VPS35L: variants seen among roughly 807,000 people sequenced by gnomAD.
VPS35L encodes the protein VPS35 endosomal protein sorting factor like.
In VPS35L, 83 loss-of-function variants were observed where a neutral mutation model predicts 133.0. The observed-to-expected ratio is 0.62, with a 90% confidence interval of 0.52 to 0.75. The LOEUF (loss-of-function observed/expected upper bound fraction) is 0.75. Ranked by LOEUF, VPS35L falls within the 30% of genes least tolerant of loss-of-function variation. The pLI is 0.00. For missense variants in VPS35L, 1,083 were observed against 1,206.8 expected (o/e 0.90, Z 1.52); for synonymous variants, 423 against 449.9 (o/e 0.94, Z 0.76).
Position 19,616,786 on chromosome 16 carries a change from G to A in VPS35L, c.1202G>A (p.Cys401Tyr), listed in dbSNP as rs1972908733. The A allele has an allele frequency of 6.2e-7, 1 of 1,614,160 alleles. No individual in the cohort carries two copies. The highest frequency in any genetic ancestry group is 1.3e-5 in the African/African-American group (1 of 75,036). Residue 401 changes from cysteine to tyrosine, a missense_variant, in exon 14 of 31, where the codon TGC (cysteine) becomes TAC (tyrosine). Physicochemically the swap from Cys to Tyr is radical, Grantham distance 194. Coordinates refer to ENST00000417362, the MANE Select transcript of VPS35L (RefSeq NM_020314.7). ...CCTGCCATGGACTGGATCTTCCAGT[G>A]CATCTCCTACCATGCCCCCGAGGTA... ...YPPAMDWIFQCISYHAPEALL... is the reference protein window; with the variant it reads ...YPPAMDWIFQYISYHAPEALL...
At chr16:19,638,708 T>A (rs1973695686) in intron 20 of VPS35L, among the ~76,000 whole-genome samples, 1 of 152,178 alleles carries the variant, frequency 6.6e-6, no homozygotes, top group South Asian at 2.1e-4. Context: ...GCAGGTAGCA[T>A]CTACAATGTG....
chr16:19,626,479 CA>C (rs1358005093), intron 15 of VPS35L, among the ~76,000 whole-genome samples: 2 of 152,082 alleles, frequency 1.3e-5, no homozygotes, highest in Non-Finnish European at 2.9e-5. Context: ...ATAGTTCTTT[CA>C]ACTGGGCGTG....
chr16:19,602,971 C>T (rs1378923566), intron 9 of VPS35L, among the ~76,000 whole-genome samples: 1 of 150,918 alleles, frequency 6.6e-6, no homozygotes, highest in East Asian at 2.0e-4. Flanking sequence ...CCCTATGTTG[C>T]CCAAGCTGCT....
intron 26 of VPS35L, among the ~76,000 whole-genome samples, chr16:19,659,984 A>G (rs1473838664): frequency 1.8e-4 from 28 of 152,192 alleles, no homozygotes; most frequent in Admixed American, 1.6e-3. Flanking sequence ...ACTAATACAC[A>G]TTCAAGAGAT....
intron 8 of VPS35L, among the ~76,000 whole-genome samples, chr16:19,597,267 A>G (rs1159704022): frequency 6.6e-6 from 1 of 151,996 alleles, no homozygotes; most frequent in Non-Finnish European, 1.5e-5. Context: ...GCTACTTAGG[A>G]GGCAGAGGCA....
At chr16:19,617,141 A>G in intron 14 of VPS35L, 1 of 559,864 alleles carries the variant, frequency 1.8e-6, no homozygotes, top group South Asian at 2.5e-5. Context: ...GGATCACTTG[A>G]TTTTAGGAGT....
intron 14 of VPS35L, among the ~76,000 whole-genome samples, chr16:19,618,810 T>C (rs1972981423): frequency 1.3e-5 from 2 of 152,150 alleles, no homozygotes; most frequent in South Asian, 2.1e-4. Context: ...ATCTTAGTAC[T>C]CGCAGACATG....
intron 28 of VPS35L, among the ~76,000 whole-genome samples, chr16:19,689,419 C>T (rs1174891943): frequency 2.0e-5 from 3 of 151,840 alleles, no homozygotes; most frequent in African/African-American, 7.3e-5. Flanking sequence ...TACAAGCGTG[C>T]ACCACCATGC....
intron 9 of VPS35L, among the ~76,000 whole-genome samples, chr16:19,606,614 T>G (rs529393736): frequency 6.6e-6 from 1 of 152,312 alleles, no homozygotes; most frequent in African/African-American, 2.4e-5. Flanking sequence ...CTTTTTTTGC[T>G]GATTCTATGG....
In VPS35L at chr16:19,639,453, CA is replaced by C. The variant is rs904938361; in HGVS notation, c.1699-558del. Among the ~76,000 whole-genome samples the C allele has an allele frequency of 1.3e-5, 2 of 152,182 alleles. No individual in the cohort carries two copies. The highest frequency in any genetic ancestry group is 2.9e-5 in the Non-Finnish European group (2 of 68,040). On this transcript the variant is annotated intron_variant, in intron 20 of 30. Coordinates refer to ENST00000417362, the MANE Select transcript of VPS35L (RefSeq NM_020314.7). The surrounding 1 kb of genome is among the most constrained non-coding windows in gnomAD (Gnocchi z 4.1). ...ATCAAAGGTTGCCTGGATGGCTCACCAAAATGTTAACTGGTCCCAGCACCAA... is the reference window on the plus strand; with the variant it reads ...ATCAAAGGTTGCCTGGATGGCTCACCAAATGTTAACTGGTCCCAGCACCAA...
At chr16:19,650,321 A>G in intron 24 of VPS35L, 61 bp from the exon 25 acceptor site, 1 of 1,305,560 alleles carries the variant, frequency 7.7e-7, no homozygotes, top group Non-Finnish European at 1.1e-6. Flanking sequence ...ATCTCTATGG[A>G]AGACACTCAT....
chr16:19,579,448 C>T (rs1372960246), intron 6 of VPS35L: 4 of 193,084 alleles, frequency 2.1e-5, no homozygotes, highest in Non-Finnish European at 4.2e-5. Context: ...GTAATCCCAG[C>T]ACTTTGGGAG....
chr16:19,685,817 C>T (rs188086206), intron 28 of VPS35L, among the ~76,000 whole-genome samples: 8 of 152,234 alleles, frequency 5.3e-5, no homozygotes, highest in African/African-American at 1.7e-4. Flanking sequence ...AGGCTCTGAA[C>T]AAGAGAGAAA....
At chr16:19,688,341 G>T (rs757123353) in intron 28 of VPS35L, among the ~76,000 whole-genome samples, 28 of 152,146 alleles carry the variant, frequency 1.8e-4, no homozygotes, top group Non-Finnish European at 3.5e-4. Flanking sequence ...GTTTCCTCAA[G>T]ACAGTGATGA....
At chr16:19,624,401 G>A (rs575641570) in intron 14 of VPS35L, among the ~76,000 whole-genome samples, 27 of 152,002 alleles carry the variant, frequency 1.8e-4, no homozygotes, top group African/African-American at 5.8e-4. Context: ...TGGCTAACAG[G>A]GTGAAACCCC....
At chr16:19,588,330 G>A (rs1422985064) in intron 7 of VPS35L, among the ~76,000 whole-genome samples, 1 of 151,698 alleles carries the variant, frequency 6.6e-6, no homozygotes, top group East Asian at 1.9e-4. Context: ...TGGATTACGG[G>A]CATCTGCCAC....
intron 21 of VPS35L, among the ~76,000 whole-genome samples, chr16:19,641,366 C>A (rs1161259704): frequency 6.6e-6 from 1 of 152,088 alleles, no homozygotes; most frequent in Non-Finnish European, 1.5e-5. Flanking sequence ...CACACCCGGC[C>A]TGTTTTTATT....
intron 27 of VPS35L, among the ~76,000 whole-genome samples, chr16:19,671,992 G>A (rs1410867800): frequency 4.6e-5 from 7 of 152,108 alleles, no homozygotes; most frequent in Non-Finnish European, 1.0e-4. Flanking sequence ...TCATCTAATT[G>A]TTTTATTTTG....
At chr16:19,672,915 T>G (rs1341797454) in intron 27 of VPS35L, among the ~76,000 whole-genome samples, 1 of 152,180 alleles carries the variant, frequency 6.6e-6, no homozygotes, top group Non-Finnish European at 1.5e-5. Flanking sequence ...GTTTATTGAT[T>G]AATCGGGATG....
Sources: gnomAD v4.1 joint callset for allele counts (sites outside exome capture counted in the v4.1 genomes callset) on GRCh38, gnomAD v4.1.1 for gene constraint, Gnocchi (gnomAD v3.1) non-coding constraint, MANE v1.5 for transcripts, NCBI Gene and HGNC (gene_info 2026-07-23, HGNC 2026-07-21) for gene names.